The following EEF1AKMT2 variants were observed in gnomAD, a reference collection of about 807,000 sequenced individuals.
The protein encoded by EEF1AKMT2 is EEF1A lysine methyltransferase 2.
In EEF1AKMT2, 32 loss-of-function variants were observed where a neutral mutation model predicts 35.8. That is an observed-to-expected ratio of 0.89 (90% CI 0.67 to 1.20). The LOEUF (loss-of-function observed/expected upper bound fraction) is 1.20, where lower values mean the gene tolerates loss of function less well. Among genes scored for constraint, EEF1AKMT2 ranks in the 50% most tolerant of loss-of-function variants. The pLI, the probability that EEF1AKMT2 is intolerant of heterozygous loss-of-function variation, is 0.00. For synonymous variants in EEF1AKMT2, 121 were observed against 133.7 expected (o/e 0.91, Z 0.65); for missense variants, 330 against 347.5 (o/e 0.95, Z 0.40).
intron 4 of EEF1AKMT2, among the ~76,000 whole-genome samples, chr10:124,773,633 T>C (rs1950458764): frequency 6.6e-6 from 1 of 152,140 alleles, no homozygotes; most frequent in Admixed American, 6.6e-5. Flanking sequence ...AGCCAGTAGG[T>C]AGAGCAGACA....
In EEF1AKMT2 at chr10:124,787,368, G is replaced by A. The variant is rs568959285; in HGVS notation, c.291+1675C>T. 2.7e-4 allele frequency among the ~76,000 whole-genome samples: 40 copies of A among 149,142 alleles called. 1 individual carries two copies. The highest frequency in any genetic ancestry group is 9.9e-4 in the African/African-American group (40 of 40,602). ...GAACCACTTGAACCCAGGTGGTGAA[G>A]GTTGCAGTGAGCCAAGATCGTGAGA... is the stretch of plus-strand genomic sequence containing the variant. On this transcript the variant is annotated intron_variant, in intron 3 of 6. Coordinates refer to ENST00000368836, the MANE Select transcript of EEF1AKMT2 (RefSeq NM_212554.4).
chr10:124,787,306 G>A (rs1331137635), intron 3 of EEF1AKMT2, among the ~76,000 whole-genome samples: 3 of 151,886 alleles, frequency 2.0e-5, no homozygotes, highest in South Asian at 2.1e-4. Context: ...AATGGCGTGC[G>A]CCTGTAATCC....
intron 5 of EEF1AKMT2, among the ~76,000 whole-genome samples, chr10:124,762,877 T>A (rs1324912918): frequency 6.6e-6 from 1 of 152,168 alleles, no homozygotes; most frequent in African/African-American, 2.4e-5. Flanking sequence ...TATTTAATAA[T>A]AAAAATTTTC....
chr10:124,786,259 C>A (rs1950583009), intron 3 of EEF1AKMT2, among the ~76,000 whole-genome samples: 1 of 152,142 alleles, frequency 6.6e-6, no homozygotes, highest in Non-Finnish European at 1.5e-5. Flanking sequence ...GTAATCCCAG[C>A]ACTTTGGGAG....
rs541545622 is a variant in EEF1AKMT2, at chr10:124,771,260, T to C, written c.399+3415A>G. On this transcript the variant is annotated intron_variant, in intron 4 of 6. Coordinates refer to ENST00000368836, the MANE Select transcript of EEF1AKMT2 (RefSeq NM_212554.4). ...GACTACAGGCACCTGCCACCACACC[T>C]GGCTAATTCTTTGTATTTTTAGTAG... 1.8e-4 allele frequency among the ~76,000 whole-genome samples: 28 copies of C among 151,982 alleles called. No homozygotes were observed. In the South Asian group the frequency reaches 4.8e-3, roughly 26 times the overall value.
chr10:124,790,294 T>C lies in EEF1AKMT2; in HGVS notation c.155A>G (p.Tyr52Cys), dbSNP rs745413860. Residue 52 changes from tyrosine (Y) to cysteine (C), a missense_variant, in exon 2 of 7, where the codon TAT becomes TGT. Physicochemically the swap from Tyr to Cys is radical, Grantham distance 194. Coordinates refer to ENST00000368836, the MANE Select transcript of EEF1AKMT2 (RefSeq NM_212554.4). Reference protein sequence around the residue: ...YERELQTFREYGDTGEIWFGE... With the variant: ...YERELQTFRECGDTGEIWFGE... ...TCACCAGATTTCACCTGTATCTCCA[T>C]ATTCTCGGAAAGTTTGCAGTTCTCT... The C allele has an allele frequency of 6.2e-7, 1 of 1,612,398 alleles. No individual in the cohort carries two copies. Among genetic ancestry groups the C allele is most frequent in the Non-Finnish European group, 8.5e-7 (1 of 1,178,416 alleles).
downstream of EEF1AKMT2, among the ~76,000 whole-genome samples, chr10:124,757,345 C>A (rs1950294718): frequency 6.6e-6 from 1 of 152,010 alleles, no homozygotes; most frequent in Non-Finnish European, 1.5e-5. Flanking sequence ...CCCCTGGAGA[C>A]AAACTGTTCA....
intron 3 of EEF1AKMT2, among the ~76,000 whole-genome samples, chr10:124,778,010 G>A (rs1950502437): frequency 6.6e-6 from 1 of 151,984 alleles, no homozygotes. Context: ...TGGCCAACAT[G>A]GTGAAACCCC....
chr10:124,761,533 T>C (rs1159482372), intron 6 of EEF1AKMT2, among the ~76,000 whole-genome samples: 1 of 152,112 alleles, frequency 6.6e-6, no homozygotes, highest in Non-Finnish European at 1.5e-5. Context: ...CATCACAGTA[T>C]GGTTTAAAAA....
chr10:124,773,586 A>G (rs1589784967), intron 4 of EEF1AKMT2, among the ~76,000 whole-genome samples: 1 of 152,130 alleles, frequency 6.6e-6, no homozygotes, highest in Admixed American at 6.6e-5. Context: ...CCCAAGAAAG[A>G]AGGAGGCTTG....
At position 124,791,839 on chromosome 10, in the gene EEF1AKMT2, T is replaced by C; in HGVS notation, c.-6A>G. ...CCGTCAGCGCCCGAGCTCATTTCGC[T>C]CCACGTCCTGGACGGCCGTTGGGGC... On this transcript the variant is annotated 5_prime_UTR_variant, in exon 1 of 7. Coordinates refer to ENST00000368836, the MANE Select transcript of EEF1AKMT2 (RefSeq NM_212554.4). 2 of 1,567,594 alleles carry C rather than the reference T, an allele frequency of 1.3e-6. No homozygotes were observed. Among genetic ancestry groups the C allele is most frequent in the Non-Finnish European group, 1.7e-6 (2 of 1,163,134 alleles).
chr10:124,779,747 C>CAAAAAAA (rs34475748), intron 3 of EEF1AKMT2, among the ~76,000 whole-genome samples: 11 of 28,178 alleles, frequency 3.9e-4, no homozygotes, highest in Non-Finnish European at 3.8e-4. Context: ...GACTCCATCT[C>CAAAAAAA]AAAAAAAAAA....
intron 3 of EEF1AKMT2, among the ~76,000 whole-genome samples, chr10:124,776,795 CA>C (rs930084780): frequency 4.7e-5 from 7 of 148,838 alleles, no homozygotes; most frequent in African/African-American, 1.2e-4. Context: ...ACTCTTGTCT[CA>C]AAAAAAATAA....
intron 5 of EEF1AKMT2, among the ~76,000 whole-genome samples, chr10:124,762,797 G>A (rs957093208): frequency 1.3e-5 from 2 of 152,052 alleles, no homozygotes; most frequent in Admixed American, 6.6e-5. Flanking sequence ...GGAAAATGCA[G>A]GCATTGTCCT....
intron 3 of EEF1AKMT2, among the ~76,000 whole-genome samples, chr10:124,781,871 A>G (rs1328341657): frequency 1.3e-5 from 2 of 152,126 alleles, no homozygotes; most frequent in African/African-American, 4.8e-5. Flanking sequence ...TCATAATATT[A>G]TCTAATGGAA....
rs548419591 is a variant in EEF1AKMT2, at chr10:124,767,547, G to C, written c.400-1939C>G. ...AAAAAAGAAAAGAAAAGAAAAGAAAGAAAATATACCTTATATTCTACAAAG... is the reference window on the plus strand; with the variant it reads ...AAAAAAGAAAAGAAAAGAAAAGAAACAAAATATACCTTATATTCTACAAAG... On this transcript the variant is annotated intron_variant, in intron 4 of 6. Coordinates refer to ENST00000368836, the MANE Select transcript of EEF1AKMT2 (RefSeq NM_212554.4). 2.4e-4 allele frequency among the ~76,000 whole-genome samples: 35 copies of C among 148,888 alleles called. No individual in the cohort carries two copies. In the South Asian group the frequency reaches 6.9e-3, roughly 29 times the overall value.
intron 3 of EEF1AKMT2, among the ~76,000 whole-genome samples, chr10:124,781,566 G>C (rs1401269660): frequency 6.7e-6 from 1 of 149,562 alleles, no homozygotes; most frequent in Non-Finnish European, 1.5e-5. Context: ...ACTCCAGCCT[G>C]GGTGACAGAG....
intron 5 of EEF1AKMT2, among the ~76,000 whole-genome samples, chr10:124,763,247 G>T (rs1468614847): frequency 6.6e-6 from 1 of 152,094 alleles, no homozygotes; most frequent in African/African-American, 2.4e-5. Flanking sequence ...TAGAACATGG[G>T]CAACTGGTTC....
chr10:124,765,436 G>A lies in EEF1AKMT2; in HGVS notation c.572C>T (p.Ser191Leu). 6.2e-7 allele frequency: 1 copy of A among 1,613,894 alleles called. No individual in the cohort carries two copies. The highest frequency in any genetic ancestry group is 8.5e-7 in the Non-Finnish European group (1 of 1,179,958). The change falls in exon 5 of 7, where the codon TCA becomes TTA. Residue 191 changes from serine to leucine, a missense_variant. Coordinates refer to ENST00000368836, the MANE Select transcript of EEF1AKMT2 (RefSeq NM_212554.4). ...CAACTCTTCCTTGGTCCAATTACAT[G>A]ACGTTATTAGAAAAAAGCCTTTTAC... is the stretch of plus-strand genomic sequence containing the variant. The part of the protein sequence containing the change: ...LKVKGFFLIT[S>L]CNWTKEELLN...
Sources: gnomAD v4.1 joint callset for allele counts (sites outside exome capture counted in the v4.1 genomes callset) on GRCh38, gnomAD v4.1.1 for gene constraint, MANE v1.5 for transcripts, NCBI Gene and HGNC (gene_info 2026-07-23, HGNC 2026-07-21) for gene names.